The following MMP26 variants were observed in gnomAD, a reference collection of about 807,000 sequenced individuals.
The protein encoded by MMP26 is matrix metalloproteinase-26.
In MMP26, 33 loss-of-function variants were observed where a neutral mutation model predicts 31.0. That is an observed-to-expected ratio of 1.06 (90% CI 0.81 to 1.42). MMP26 has a LOEUF of 1.42. Ranked by LOEUF, MMP26 falls within the 40% of genes most tolerant of loss-of-function variation. The pLI is 0.00. For synonymous variants in MMP26, 122 were observed against 114.9 expected, an observed-to-expected ratio of 1.06 and a Z score of -0.40; for missense variants, 347 against 316.1, an observed-to-expected ratio of 1.10 and a Z score of -0.74.
chr11:4,819,004 T>TA (rs1849457349), intron 2 of MMP26, among the ~76,000 whole-genome samples: 2 of 152,282 alleles, frequency 1.3e-5, no homozygotes, highest in East Asian at 3.9e-4. Context: ...AGGTGTTGGT[T>TA]AAAAAATAAG....
intron 2 of MMP26, among the ~76,000 whole-genome samples, chr11:4,851,675 A>C (rs1849977477): frequency 6.6e-6 from 1 of 151,556 alleles, no homozygotes; most frequent in Non-Finnish European, 1.5e-5. Flanking sequence ...ATAATAGCAC[A>C]ACAAGGGGGA....
At chr11:4,730,045 C>T (rs138896243) in intron 1 of MMP26, among the ~76,000 whole-genome samples, 1 of 151,566 alleles carries the variant, frequency 6.6e-6, no homozygotes, top group African/African-American at 2.4e-5. Context: ...TTTCTTTAAG[C>T]CCGCTAAACT....
intron 2 of MMP26, among the ~76,000 whole-genome samples, chr11:4,770,157 T>A (rs182043707): frequency 7.9e-5 from 12 of 152,306 alleles, no homozygotes; most frequent in Non-Finnish European, 1.6e-4. Context: ...AAGGGAAATA[T>A]GTCCATATGA....
chr11:4,881,565 G>C (rs1348488243), intron 2 of MMP26, among the ~76,000 whole-genome samples: 4 of 151,846 alleles, frequency 2.6e-5, no homozygotes, highest in Admixed American at 2.0e-4. Flanking sequence ...AGTATAAAAG[G>C]ATATTAAAAA....
chr11:4,810,562 G>C (rs533044710), intron 2 of MMP26, among the ~76,000 whole-genome samples: 1 of 152,340 alleles, frequency 6.6e-6, no homozygotes, highest in South Asian at 2.1e-4. Context: ...CATAGAGTGT[G>C]TACATGAGTA....
chr11:4,917,561 T>C (rs74052616), intron 2 of MMP26, among the ~76,000 whole-genome samples: 1,789 of 152,290 alleles, frequency 0.012, 35 homozygotes, highest in African/African-American at 0.041. Flanking sequence ...ATTAATAGTT[T>C]GGGCCGTTAA....
intron 2 of MMP26, among the ~76,000 whole-genome samples, chr11:4,987,057 T>G (rs1162077293): frequency 6.7e-6 from 1 of 150,154 alleles, no homozygotes; most frequent in Non-Finnish European, 1.5e-5. Context: ...CTTTTTTGTA[T>G]TTTTAGTAGA....
chr11:4,730,879 G>A (rs958012179), intron 1 of MMP26, among the ~76,000 whole-genome samples: 3 of 152,120 alleles, frequency 2.0e-5, no homozygotes, highest in Admixed American at 6.5e-5. Flanking sequence ...CACAGCAAAC[G>A]AAAAATATTG....
At position 4,805,628 on chromosome 11, in the gene MMP26, T is replaced by A. The variant is rs1430955462; in HGVS notation, c.-145+38287T>A. 2.0e-5 allele frequency among the ~76,000 whole-genome samples: 3 copies of A among 152,156 alleles called. No individual in the cohort carries two copies. In the East Asian group the frequency reaches 5.8e-4, roughly 29 times the overall value. ...CTCTGTGCTTGGTGCAGAGTAGGAA[T>A]TTAATAAAATATTCCTGAGGAAAGT... is the stretch of plus-strand genomic sequence containing the variant. On this transcript the variant is annotated intron_variant, in intron 2 of 7. Transcript: ENST00000380390.
rs1187623360 is a variant in MMP26 at position 4,943,623 on chromosome 11, A to T, written c.-144-44445A>T. 1.3e-5 allele frequency: 5 copies of T among 372,428 alleles called. No homozygotes were observed. The East Asian group carries it at 3.7e-4, about 27-fold the overall frequency. The allele number at this position is 372,428 out of a possible 1,614,324, so 23.1% of individuals were successfully genotyped here. ...AAGTCAGTGACACACCCACACCCCC[A>T]GGTTGCAACAACCGAAGATGTCCCC... On this transcript the variant is annotated intron_variant, in intron 2 of 7. Coordinates refer to ENST00000380390, the MANE Select transcript of MMP26 (RefSeq NM_021801.5).
chr11:4,812,541 G>C (rs1333600873), intron 2 of MMP26, among the ~76,000 whole-genome samples: 1 of 152,168 alleles, frequency 6.6e-6, no homozygotes, highest in African/African-American at 2.4e-5. Flanking sequence ...GAAAAAAAGA[G>C]GTAGGATATG....
intron 1 of MMP26, among the ~76,000 whole-genome samples, chr11:4,755,636 A>G (rs1490371653): frequency 6.6e-6 from 1 of 151,996 alleles, no homozygotes; most frequent in Non-Finnish European, 1.5e-5. Flanking sequence ...CATTTTGGGA[A>G]TTTAGGTTTA....
At chr11:4,767,942 A>G (rs941673350) in intron 2 of MMP26, among the ~76,000 whole-genome samples, 10 of 152,172 alleles carry the variant, frequency 6.6e-5, no homozygotes, top group Non-Finnish European at 1.3e-4. Context: ...AAGAGTTACC[A>G]TAAGTTCGTT....
At chr11:4,731,378 A>T (rs376718165) in intron 1 of MMP26, among the ~76,000 whole-genome samples, 2 of 152,194 alleles carry the variant, frequency 1.3e-5, no homozygotes, top group Admixed American at 6.5e-5. Flanking sequence ...GAGGGCCCAC[A>T]ATCATTTCTT....
intron 2 of MMP26, among the ~76,000 whole-genome samples, chr11:4,786,035 C>T (rs1848938834): frequency 6.6e-6 from 1 of 152,134 alleles, no homozygotes; most frequent in South Asian, 2.1e-4. Flanking sequence ...TTTCTCCAAT[C>T]TTGATGGACC....
intron 2 of MMP26, among the ~76,000 whole-genome samples, chr11:4,983,875 T>C (rs1846849416): frequency 6.6e-6 from 1 of 152,222 alleles, no homozygotes; most frequent in Admixed American, 6.5e-5. Context: ...ACCTGTTGAA[T>C]TAGAATCTGC....
At chr11:4,741,532 G>T (rs1314142354) in intron 1 of MMP26, among the ~76,000 whole-genome samples, 1 of 151,860 alleles carries the variant, frequency 6.6e-6, no homozygotes, top group Non-Finnish European at 1.5e-5. Flanking sequence ...ATCATCCTCA[G>T]CACACTACTA....
intron 1 of MMP26, among the ~76,000 whole-genome samples, chr11:4,714,977 C>T (rs1255776280): frequency 6.6e-6 from 1 of 151,268 alleles, no homozygotes; most frequent in Non-Finnish European, 1.5e-5. Flanking sequence ...TTTGTGAGAA[C>T]ACTGGAGAGC....
At chr11:4,852,029 CTA>C (rs1330726097) in intron 2 of MMP26, among the ~76,000 whole-genome samples, 2 of 152,094 alleles carry the variant, frequency 1.3e-5, no homozygotes, top group East Asian at 3.9e-4. Context: ...CAAGTTATAA[CTA>C]TATTCTGTAT....
Sources: allele counts gnomAD v4.1 joint callset (sites outside exome capture counted in the v4.1 genomes callset), GRCh38; gene constraint gnomAD v4.1.1; transcripts MANE v1.5; gene names NCBI Gene and HGNC (gene_info 2026-07-23, HGNC 2026-07-21).